The following SAMTOR variants were observed in gnomAD, a reference collection of about 807,000 sequenced individuals.
The protein encoded by SAMTOR is UPF0532 protein C7orf60.
At chr7:112,918,306 G>C in the SAMTOR span, among the ~76,000 whole-genome samples, 194 of 152,332 alleles carry the variant, frequency 1.3e-3, 1 homozygote, top group African/African-American at 4.6e-3. Flanking sequence ...CATTCTTAAA[G>C]AAAAGAATTT....
chr7:112,936,894 T>C, the SAMTOR span, among the ~76,000 whole-genome samples: 8 of 152,198 alleles, frequency 5.3e-5, no homozygotes. Flanking sequence ...TTCCTGCTTC[T>C]CATTTTCCCT....
At chr7:112,907,842 C>CT in the SAMTOR span, among the ~76,000 whole-genome samples, 177 of 146,434 alleles carry the variant, frequency 1.2e-3, no homozygotes, top group Non-Finnish European at 1.7e-3. Flanking sequence ...TTCTTACTTA[C>CT]TTATTTATTT....
the SAMTOR span, among the ~76,000 whole-genome samples, chr7:112,922,036 G>A: frequency 6.5e-4 from 98 of 151,902 alleles, no homozygotes; most frequent in Non-Finnish European, 1.1e-3. Context: ...CTGCCATCTC[G>A]GCTCACTGCA....
chr7:112,852,788 A>T, the SAMTOR span, among the ~76,000 whole-genome samples: 1 of 152,104 alleles, frequency 6.6e-6, no homozygotes, highest in Non-Finnish European at 1.5e-5. Flanking sequence ...ATCTAACAGC[A>T]GCAAAGCTCT....
At chr7:112,911,986 G>T in the SAMTOR span, among the ~76,000 whole-genome samples, 29 of 151,468 alleles carry the variant, frequency 1.9e-4, no homozygotes, top group African/African-American at 7.0e-4. Context: ...CTAAAGAATT[G>T]TAACCACCAA....
At chr7:112,886,174 C>T in the SAMTOR span, among the ~76,000 whole-genome samples, 1 of 152,110 alleles carries the variant, frequency 6.6e-6, no homozygotes, top group African/African-American at 2.4e-5. Flanking sequence ...CCACCAGGTC[C>T]CTTCTATGAC....
At chr7:112,877,285 C>G in the SAMTOR span, among the ~76,000 whole-genome samples, 2 of 151,926 alleles carry the variant, frequency 1.3e-5, no homozygotes, top group Non-Finnish European at 2.9e-5. Flanking sequence ...AAAGACAGAC[C>G]ATAAATAATT....
the SAMTOR span, chr7:112,820,804 G>A: frequency 6.6e-6 from 1 of 151,978 alleles, no homozygotes; most frequent in Non-Finnish European, 1.5e-5. Context: ...CATATAATTT[G>A]AAACTTGTAG....
At chr7:112,907,585 G>A in the SAMTOR span, among the ~76,000 whole-genome samples, 1 of 150,832 alleles carries the variant, frequency 6.6e-6, no homozygotes, top group African/African-American at 2.4e-5. Flanking sequence ...GATATAAAGA[G>A]CTCCAAAAAA....
chr7:112,863,578 A>G, the SAMTOR span, among the ~76,000 whole-genome samples: 1 of 152,234 alleles, frequency 6.6e-6, no homozygotes, highest in Non-Finnish European at 1.5e-5. Flanking sequence ...AACTTAAACA[A>G]ATTTACAAGA....
chr7:112,884,143 G>A, the SAMTOR span, among the ~76,000 whole-genome samples: 1 of 152,018 alleles, frequency 6.6e-6, no homozygotes, highest in Admixed American at 6.6e-5. Context: ...GCAGCATGGG[G>A]GTAATTGCCC....
the SAMTOR span, among the ~76,000 whole-genome samples, chr7:112,824,029 T>C: frequency 6.7e-6 from 1 of 150,340 alleles, no homozygotes; most frequent in Admixed American, 6.6e-5. Context: ...TAAATAAAGT[T>C]TTAAGTATTT....
At chr7:112,915,769 A>G in the SAMTOR span, among the ~76,000 whole-genome samples, 4 of 152,258 alleles carry the variant, frequency 2.6e-5, no homozygotes, top group Non-Finnish European at 2.9e-5. Context: ...TACTGTATAT[A>G]TGAGTTATCA....
At chr7:112,886,401 A>T in the SAMTOR span, among the ~76,000 whole-genome samples, 1 of 152,212 alleles carries the variant, frequency 6.6e-6, no homozygotes, top group African/African-American at 2.4e-5. Context: ...TAATATGTAC[A>T]AGAGCCCATT....
the SAMTOR span, among the ~76,000 whole-genome samples, chr7:112,907,842 C>CTTACTTATTTATTTATTTAT: frequency 8.2e-5 from 12 of 146,346 alleles, no homozygotes; most frequent in African/African-American, 3.0e-4. Context: ...TTCTTACTTA[C>CTTACTTATTTATTTATTTAT]TTATTTATTT....
chr7:112,848,280 A>G, the SAMTOR span, among the ~76,000 whole-genome samples: 1 of 152,224 alleles, frequency 6.6e-6, no homozygotes, highest in Non-Finnish European at 1.5e-5. Context: ...TTAGTGAAAA[A>G]GTATTTCAAA....
the SAMTOR span, among the ~76,000 whole-genome samples, chr7:112,897,734 A>G: frequency 6.6e-6 from 1 of 152,210 alleles, no homozygotes; most frequent in Non-Finnish European, 1.5e-5. Flanking sequence ...TCAGATGACG[A>G]CTGCATAAAA....
chr7:112,871,188 A>T, the SAMTOR span, among the ~76,000 whole-genome samples: 1 of 152,182 alleles, frequency 6.6e-6, no homozygotes, highest in Non-Finnish European at 1.5e-5. Context: ...TCCACAGACA[A>T]CTTCACCCAA....
chr7:112,902,372 C>T, the SAMTOR span, among the ~76,000 whole-genome samples: 3 of 129,622 alleles, frequency 2.3e-5, no homozygotes, highest in African/African-American at 5.8e-5. Flanking sequence ...GCTGAGATCG[C>T]GGCATTGCAC....
Sources: gnomAD v4.1 joint callset for allele counts (sites outside exome capture counted in the v4.1 genomes callset) on GRCh38, gnomAD v4.1.1 for gene constraint, MANE v1.5 for transcripts, NCBI Gene and HGNC (gene_info 2026-07-23, HGNC 2026-07-21) for gene names.